Variants in UBASH3B observed in about 807,000 individuals in gnomAD.
UBASH3B encodes ubiquitin-associated and SH3 domain-containing protein B.
Under a neutral mutation model 83.4 loss-of-function variants are expected in UBASH3B, and 37 were observed. The observed-to-expected ratio is 0.44, with a 90% CI of 0.34 to 0.58. The LOEUF is 0.58. UBASH3B is among the 20% of genes least tolerant of loss of function. UBASH3B has a pLI of 0.01. For missense variants in UBASH3B, 657 were observed against 827.2 expected (o/e 0.79, Z 2.52); for synonymous variants, 304 against 318.3 (o/e 0.96, Z 0.48).
At position 122,789,082 on chromosome 11, in the gene UBASH3B, C is replaced by A. The variant is rs1337339934; in HGVS notation, c.772-18C>A. ...ATGGTGAGGCATGGGGCTCACTCAC[C>A]CTCTCTTCCTTTTCCAGACATTACA... On this transcript the variant is annotated intron_variant, in intron 5 of 13. Coordinates refer to ENST00000284273, the MANE Select transcript of UBASH3B (RefSeq NM_032873.5). 1 of 1,605,074 alleles carries A rather than the reference C, an allele frequency of 6.2e-7. No individual in the cohort carries two copies. The highest frequency in any genetic ancestry group is 1.3e-5 in the African/African-American group (1 of 74,656).
intron 1 of UBASH3B, among the ~76,000 whole-genome samples, chr11:122,664,943 C>T (rs1863495205): frequency 6.6e-6 from 1 of 152,218 alleles, no homozygotes; most frequent in South Asian, 2.1e-4. Flanking sequence ...GAGTCTCGCT[C>T]TGTCGCCCAG....
intron 1 of UBASH3B, among the ~76,000 whole-genome samples, chr11:122,696,341 C>CTTT (rs10632310): frequency 5.5e-5 from 8 of 146,036 alleles, no homozygotes; most frequent in African/African-American, 2.0e-4. Context: ...TTTCTTTTTT[C>CTTT]TTTTTGTTTT....
intron 1 of UBASH3B, among the ~76,000 whole-genome samples, chr11:122,744,579 T>G (rs551490695): frequency 9.9e-5 from 15 of 151,914 alleles, no homozygotes; most frequent in Admixed American, 9.2e-4. Flanking sequence ...GGTGTGTGAC[T>G]GTGTGTGACT....
At chr11:122,701,481 T>G (rs993465383) in intron 1 of UBASH3B, among the ~76,000 whole-genome samples, 4 of 152,170 alleles carry the variant, frequency 2.6e-5, no homozygotes, top group African/African-American at 4.8e-5. Flanking sequence ...AGCTTTTTTT[T>G]GGGTAATACT....
intron 1 of UBASH3B, among the ~76,000 whole-genome samples, chr11:122,660,640 A>C (rs1023131545): frequency 5.9e-5 from 9 of 152,178 alleles, no homozygotes; most frequent in Admixed American, 4.6e-4. Context: ...GTTTCTGGGG[A>C]GACAGGCTCT....
chr11:122,725,010 T>C lies in UBASH3B; in HGVS notation c.162-51209T>C, dbSNP rs190222588. 3.6e-3 allele frequency among the ~76,000 whole-genome samples: 540 copies of C among 151,324 alleles called. 2 individuals carry two copies. The highest frequency in any genetic ancestry group is 0.012 in the African/African-American group (508 of 41,146). On this transcript the variant is annotated intron_variant, in intron 1 of 13. Coordinates refer to ENST00000284273, the MANE Select transcript of UBASH3B (RefSeq NM_032873.5). ...CTCTTTCCCCCAGGCTGGAGTGCAG[T>C]AGCACGATCTCAGCTCACTGCAACC...
In UBASH3B at chr11:122,777,125, AC is replaced by A; in HGVS notation, c.318del (p.Trp108GlyfsTer70). The A allele has an allele frequency of 6.2e-7, 1 of 1,613,990 alleles. No individual in the cohort carries two copies. Among genetic ancestry groups the A allele is most frequent in the Non-Finnish European group, 8.5e-7 (1 of 1,179,970 alleles). On this transcript the variant is annotated frameshift_variant, in exon 3 of 14. Transcript: ENST00000284273. LOFTEE classifies it high-confidence loss of function. ...PTGPLAQKLSDFWQQSKQICG... is the reference protein window; with the variant it reads ...PTGPLAQKLSXFWQQSKQICG... ...GGCCCCTTAGCACAGAAGCTTTCCG[AC>A]TTTTGGCAGCAGTCGAAGCAGATCT...
chr11:122,775,511 A>C (rs959236549), intron 1 of UBASH3B: 1 of 152,264 alleles, frequency 6.6e-6, no homozygotes, highest in Non-Finnish European at 1.5e-5. Context: ...GAGGGAGGCA[A>C]TGAATTGATC....
At chr11:122,791,745 G>A (rs1861058205) in intron 6 of UBASH3B, among the ~76,000 whole-genome samples, 1 of 152,158 alleles carries the variant, frequency 6.6e-6, no homozygotes, top group Non-Finnish European at 1.5e-5. Context: ...TTGCCCAGGG[G>A]ATCCAGGCAA....
intron 1 of UBASH3B, among the ~76,000 whole-genome samples, chr11:122,663,385 G>A (rs1268871145): frequency 6.6e-6 from 1 of 152,210 alleles, no homozygotes; most frequent in Non-Finnish European, 1.5e-5. Context: ...ATAATTTAAT[G>A]AGGAAACTGA....
intron 1 of UBASH3B, among the ~76,000 whole-genome samples, chr11:122,707,225 C>T (rs1303870421): frequency 6.6e-6 from 1 of 152,134 alleles, no homozygotes; most frequent in Non-Finnish European, 1.5e-5. Flanking sequence ...GACTAGCTGA[C>T]CTACTTACTT....
chr11:122,785,888 G>A (rs1048669374), intron 5 of UBASH3B, among the ~76,000 whole-genome samples: 2 of 152,182 alleles, frequency 1.3e-5, no homozygotes, highest in Admixed American at 1.3e-4. Flanking sequence ...AGCTATTATT[G>A]TGAGTGAGAA....
intron 1 of UBASH3B, among the ~76,000 whole-genome samples, chr11:122,770,230 A>C (rs1359255141): frequency 6.6e-6 from 1 of 152,256 alleles, no homozygotes. Context: ...AGCTCAACCA[A>C]TTAGTTTTCT....
intron 1 of UBASH3B, among the ~76,000 whole-genome samples, chr11:122,694,381 A>G (rs980625348): frequency 2.6e-5 from 4 of 152,130 alleles, no homozygotes; most frequent in African/African-American, 9.7e-5. Flanking sequence ...ATTTGAATAA[A>G]AGTAGATAGG....
chr11:122,790,336 C>T (rs1362131305), intron 6 of UBASH3B, among the ~76,000 whole-genome samples: 3 of 152,136 alleles, frequency 2.0e-5, no homozygotes, highest in Non-Finnish European at 2.9e-5. Flanking sequence ...CCAGCAATCC[C>T]TCCCCCTCTC....
intron 11 of UBASH3B, among the ~76,000 whole-genome samples, chr11:122,803,634 C>A (rs10790536): frequency 0.2 from 31,036 of 151,912 alleles, 3,923 homozygotes; most frequent in East Asian, 0.39. Context: ...GGTGGGGCTT[C>A]AGAACAGAGC....
chr11:122,754,799 G>A (rs1380438229), intron 1 of UBASH3B, among the ~76,000 whole-genome samples: 2 of 152,170 alleles, frequency 1.3e-5, no homozygotes, highest in Non-Finnish European at 2.9e-5. Context: ...GCTGGAAGGG[G>A]CCCTTGAGAT....
chr11:122,747,579 A>C (rs1247672965), intron 1 of UBASH3B, among the ~76,000 whole-genome samples: 1 of 152,214 alleles, frequency 6.6e-6, no homozygotes, highest in African/African-American at 2.4e-5. Context: ...GTGAGAAAGA[A>C]GCGGGATAAC....
chr11:122,762,343 A>G (rs749510129), intron 1 of UBASH3B, among the ~76,000 whole-genome samples: 1 of 152,212 alleles, frequency 6.6e-6, no homozygotes, highest in Non-Finnish European at 1.5e-5. Context: ...ACTGGGGAGT[A>G]AAGGCTTCAG....
Sources: allele counts gnomAD v4.1 joint callset (sites outside exome capture counted in the v4.1 genomes callset), GRCh38; gene constraint gnomAD v4.1.1; transcripts MANE v1.5; gene names NCBI Gene and HGNC (gene_info 2026-07-23, HGNC 2026-07-21).